RADIL: variants seen among roughly 807,000 people sequenced by gnomAD.
RADIL encodes Rap associating with DIL domain, also known as ras-associating and dilute domain-containing protein.
RADIL carries 99 observed loss-of-function variants against 97.6 expected under a neutral mutation model. The ratio of observed to expected loss-of-function variants is 1.01; its 90% CI spans 0.86 to 1.20. The LOEUF (loss-of-function observed/expected upper bound fraction) is 1.20, where lower values mean the gene tolerates loss of function less well. RADIL is among the 50% of genes most tolerant of loss of function. RADIL has a pLI of 0.00. For synonymous variants in RADIL, 803 were observed against 691.8 expected, an observed-to-expected ratio of 1.16 and a Z score of -2.52; for missense variants, 1,765 against 1,498.9, an observed-to-expected ratio of 1.18 and a Z score of -2.93.
Position 4,818,173 on chromosome 7 carries a change from C to G in RADIL, c.1616-822G>C, listed in dbSNP as rs1283295768. Among the ~76,000 whole-genome samples, 1 of 151,720 alleles carries G rather than the reference C, an allele frequency of 6.6e-6. No individual in the cohort carries two copies. The highest frequency in any genetic ancestry group is 1.5e-5 in the Non-Finnish European group (1 of 68,010). On this transcript the variant is annotated intron_variant, in intron 6 of 14. Coordinates refer to ENST00000399583, the MANE Select transcript of RADIL (RefSeq NM_018059.5). The surrounding 1 kb of genome is among the most constrained non-coding windows in gnomAD (Gnocchi z 7.1). ...CTGTGGGGCCTTCTTCCAGGAGGGG[C>G]AGAGGGGCCGCATCGTGGGGGCTGC... is the stretch of plus-strand genomic sequence containing the variant.
At chr7:4,851,154 G>T (rs1008747761) in intron 2 of RADIL, among the ~76,000 whole-genome samples, 3 of 151,200 alleles carry the variant, frequency 2.0e-5, no homozygotes, top group Non-Finnish European at 1.5e-5. Flanking sequence ...GCAGTGAGCC[G>T]AGCTCATGCC....
At chr7:4,851,695 C>A (rs11971499) in intron 2 of RADIL, among the ~76,000 whole-genome samples, 7,191 of 152,220 alleles carry the variant, frequency 0.047, 591 homozygotes, top group African/African-American at 0.16. Flanking sequence ...TGCCTGGTTT[C>A]TTCTTGCTGC....
chr7:4,799,528 G>A (rs748704084), intron 14 of RADIL, 45 bp from the exon 15 acceptor site: 15 of 1,612,882 alleles, frequency 9.3e-6, no homozygotes, highest in Non-Finnish European at 1.3e-5. Context: ...GGGCACCAGG[G>A]GAGACCCACA....
rs746685911 is a variant in RADIL, at chr7:4,817,260, C to T, written c.1707G>A (p.Gln569=). 1.2e-6 allele frequency: 2 copies of T among 1,612,458 alleles called. No homozygotes were observed. The highest frequency in any genetic ancestry group is 2.2e-5 in the East Asian group (1 of 44,856). The change falls in exon 7 of 15, where the codon CAG becomes CAA. Residue 569 remains glutamine, a synonymous_variant. Coordinates refer to ENST00000399583, the MANE Select transcript of RADIL (RefSeq NM_018059.5). This position sits in a 1 kb window ranked among gnomAD's most constrained non-coding sequence, Gnocchi z 8.3. ...GCACCTTGGAGACATAGTAGACGCA[C>T]TGCTGGAAGGCGTACAGCACCACCT... ...LEEVVLYAFQ[Q]CVYYVSKSLY...
intron 5 of RADIL, among the ~76,000 whole-genome samples, chr7:4,828,507 G>A (rs1783057030): frequency 6.6e-6 from 1 of 152,186 alleles, no homozygotes; most frequent in African/African-American, 2.4e-5. Context: ...CAGATTAAAG[G>A]GGGAAAATAT....
rs540312484 is a variant in RADIL at position 4,821,399 on chromosome 7, G to A, written c.1615+995C>T. Reference sequence around the variant, plus strand: ...CACAGCAGCACAGTCCTGCTGCCCCGTCTGGCTCCATTCCAGGCCCCACAC... The same window carrying A: ...CACAGCAGCACAGTCCTGCTGCCCCATCTGGCTCCATTCCAGGCCCCACAC... On this transcript the variant is annotated intron_variant, in intron 6 of 14. Coordinates refer to ENST00000399583, the MANE Select transcript of RADIL (RefSeq NM_018059.5). The surrounding 1 kb of genome is among the most constrained non-coding windows in gnomAD (Gnocchi z 5.2). 2.0e-5 allele frequency among the ~76,000 whole-genome samples: 3 copies of A among 152,282 alleles called. No homozygotes were observed. The highest frequency in any genetic ancestry group is 6.5e-5 in the Admixed American group (1 of 15,294).
Position 4,872,948 on chromosome 7 carries a change from T to C in RADIL, c.535+4657A>G, listed in dbSNP as rs1321245642. On this transcript the variant is annotated intron_variant, in intron 2 of 14. Transcript: ENST00000399583. The surrounding 1 kb of genome is among the most constrained non-coding windows in gnomAD (Gnocchi z 5.8). Reference sequence around the variant, plus strand: ...AACCCAGAACCAATGTGACTCTGTTTTTCTTTTGAGTCAGAGTCTCGCTCT... The same window carrying C: ...AACCCAGAACCAATGTGACTCTGTTCTTCTTTTGAGTCAGAGTCTCGCTCT... 6.6e-6 allele frequency among the ~76,000 whole-genome samples: 1 copy of C among 152,084 alleles called. No individual in the cohort carries two copies. The highest frequency in any genetic ancestry group is 1.5e-5 in the Non-Finnish European group (1 of 68,014).
In RADIL at chr7:4,835,083, T is replaced by G. The variant is rs771137906; in HGVS notation, c.940A>C (p.Arg314=). The G allele has an allele frequency of 1.2e-5, 20 of 1,607,446 alleles. No homozygotes were observed. The East Asian group carries it at 4.5e-4, about 36-fold the overall frequency. Residue 314 remains arginine (R), a synonymous_variant, in exon 4 of 15, where the codon AGG becomes CGG. Transcript: ENST00000399583. The surrounding 1 kb of genome is among the most constrained non-coding windows in gnomAD (Gnocchi z 5.8). ...CCGGGGATGGGCTCCAGGACCAGCCTCCCCGCGGCCTGGCCGCTGTCCGGG... is the reference window on the plus strand; with the variant it reads ...CCGGGGATGGGCTCCAGGACCAGCCGCCCCGCGGCCTGGCCGCTGTCCGGG... ...PLPDSGQAAG[R]LVLEPIPGAH... is the part of the protein sequence containing the mutation.
At chr7:4,870,930 C>G (rs1398834088) in intron 2 of RADIL, among the ~76,000 whole-genome samples, 1 of 152,124 alleles carries the variant, frequency 6.6e-6, no homozygotes, top group Non-Finnish European at 1.5e-5. Context: ...GTCAACGGTG[C>G]CTCTATGATC....
Position 4,836,417 on chromosome 7 carries a change from G to T in RADIL, c.724C>A (p.Arg242=). 1.3e-6 allele frequency: 2 copies of T among 1,583,866 alleles called. No homozygotes were observed. Among genetic ancestry groups the T allele is most frequent in the South Asian group, 1.1e-5 (1 of 87,558 alleles). ...GPEEPGPDAM[R]YSLYQSPHLL... ...TGCGGGGACTGGTACAGCGAGTACC[G>T]CATGGCGTCGGGGCCGGGCTCCTCG... The change falls in exon 3 of 15, where the codon CGG becomes AGG. Residue 242 remains arginine, a synonymous_variant. Coordinates refer to ENST00000399583, the MANE Select transcript of RADIL (RefSeq NM_018059.5).
rs1363530684 is a variant in RADIL at position 4,873,330 on chromosome 7, T to C, written c.535+4275A>G. 1.3e-5 allele frequency among the ~76,000 whole-genome samples: 2 copies of C among 152,150 alleles called. No homozygotes were observed. The highest frequency in any genetic ancestry group is 3.9e-4 in the East Asian group (2 of 5,194). On this transcript the variant is annotated intron_variant, in intron 2 of 14. Transcript: ENST00000399583. This position sits in a 1 kb window ranked among gnomAD's most constrained non-coding sequence, Gnocchi z 4.3. ...CTGGACTCGTTAACACAAACGTACA[T>C]GGTCACACATGCATGCACACACATG...
rs193050899 is a variant in RADIL, at chr7:4,819,566, G to A, written c.1616-2215C>T. 6.6e-6 allele frequency among the ~76,000 whole-genome samples: 1 copy of A among 152,326 alleles called. No individual in the cohort carries two copies. Among genetic ancestry groups the A allele is most frequent in the Admixed American group, 6.5e-5 (1 of 15,306 alleles). On this transcript the variant is annotated intron_variant, in intron 6 of 14. Transcript: ENST00000399583. The surrounding 1 kb of genome is among the most constrained non-coding windows in gnomAD (Gnocchi z 5.8). ...AGGCGCTGAGCTCCAGCCACGAGGA[G>A]AATCTGAGGCGCACACGATGGTGTG... is the stretch of plus-strand genomic sequence containing the variant.
At chr7:4,858,924 A>G (rs1783902659) in intron 2 of RADIL, 2 of 152,218 alleles carry the variant, frequency 1.3e-5, no homozygotes, top group African/African-American at 4.8e-5. Flanking sequence ...TTTTAGGACT[A>G]ATGATTGAGG....
At position 4,878,865 on chromosome 7, in the gene RADIL, T is replaced by C. The variant is rs950750620; in HGVS notation, c.-64-662A>G. Among the ~76,000 whole-genome samples the C allele has an allele frequency of 1.3e-5, 2 of 152,216 alleles. No individual in the cohort carries two copies. Among genetic ancestry groups the C allele is most frequent in the African/African-American group, 4.8e-5 (2 of 41,464 alleles). On this transcript the variant is annotated intron_variant, in intron 1 of 14. Coordinates refer to ENST00000399583, the MANE Select transcript of RADIL (RefSeq NM_018059.5). This position sits in a 1 kb window ranked among gnomAD's most constrained non-coding sequence, Gnocchi z 4.1. ...GCAGCGGGCAGCCCAAGGGCAAAGC[T>C]TCGCCTCTCCGTAAACCTCGTGTCT...
intron 2 of RADIL, chr7:4,861,830 C>T (rs1354023927): frequency 1.6e-6 from 2 of 1,270,192 alleles, no homozygotes; most frequent in Admixed American, 4.2e-5. Flanking sequence ...CCCGCCCCGC[C>T]AGGGCACGTC....
At chr7:4,801,528 C>G in intron 12 of RADIL, 125 bp downstream of exon 12, 1 of 1,043,998 alleles carries the variant, frequency 9.6e-7, no homozygotes, top group Non-Finnish European at 1.4e-6. Context: ...TCTCAGGTTG[C>G]AGGTGTCTGT....
Position 4,818,434 on chromosome 7 carries a change from T to C in RADIL, c.1616-1083A>G, listed in dbSNP as rs1782736523. ...CCTCCTTCAGGGGCTTGGGGCTGCC[T>C]GGCCCCCACCCACCAAGCCCGCTCC... On this transcript the variant is annotated intron_variant, in intron 6 of 14. Transcript: ENST00000399583. The surrounding 1 kb of genome is among the most constrained non-coding windows in gnomAD (Gnocchi z 7.1). Among the ~76,000 whole-genome samples, 1 of 152,164 alleles carries C rather than the reference T, an allele frequency of 6.6e-6. No individual in the cohort carries two copies. The highest frequency in any genetic ancestry group is 2.1e-4 in the South Asian group (1 of 4,834).
At chr7:4,809,841 C>G (rs114611946) in intron 9 of RADIL, among the ~76,000 whole-genome samples, 5 of 151,406 alleles carry the variant, frequency 3.3e-5, no homozygotes, top group Non-Finnish European at 7.4e-5. Flanking sequence ...TTTTACACCA[C>G]GCCTGGCTAA....
At chr7:4,866,759 T>C (rs1441894458) in intron 2 of RADIL, among the ~76,000 whole-genome samples, 1 of 152,148 alleles carries the variant, frequency 6.6e-6, no homozygotes, top group Non-Finnish European at 1.5e-5. Context: ...ATGGGGTTTG[T>C]TTGTCCCCAC....
Sources: allele counts gnomAD v4.1 joint callset (sites outside exome capture counted in the v4.1 genomes callset), GRCh38; gene constraint gnomAD v4.1.1; non-coding constraint Gnocchi (gnomAD v3.1); transcripts MANE v1.5; gene names NCBI Gene and HGNC (gene_info 2026-07-23, HGNC 2026-07-21).